The following TULP4 variants were observed in gnomAD, a reference collection of about 807,000 sequenced individuals.
TULP4 encodes tubby-related protein 4.
Under a neutral mutation model 129.0 loss-of-function variants are expected in TULP4, and 16 were observed. The observed-to-expected ratio is 0.12, with a 90% confidence interval of 0.08 to 0.19. TULP4 has a LOEUF of 0.19. TULP4 is among the 10% of genes least tolerant of loss of function. TULP4 has a pLI of 1.00. For missense variants in TULP4, 1,842 were observed against 2,059.1 expected (o/e 0.89, Z 2.04); for synonymous variants, 998 against 854.0 (o/e 1.17, Z -2.94).
rs550013249 is a variant in TULP4, at chr6:158,313,702, A to G, written c.-315A>G. The G allele has an allele frequency of 9.1e-5, 43 of 471,038 alleles. No individual in the cohort carries two copies. The highest frequency in any genetic ancestry group is 8.5e-4 in the African/African-American group (43 of 50,310). The allele number at this position is 471,038 out of a possible 1,614,324, so 29.2% of individuals were successfully genotyped here. On this transcript the variant is annotated 5_prime_UTR_variant, in exon 1 of 14. Coordinates refer to ENST00000367097, the MANE Select transcript of TULP4 (RefSeq NM_020245.5). ...CCGTTTCTTGATCACCACTTAATTA[A>G]CGATGCTCTTTCTCCAAAGGATCAG...
chr6:158,404,020 A>T (rs1777915282), intron 1 of TULP4, among the ~76,000 whole-genome samples: 1 of 152,176 alleles, frequency 6.6e-6, no homozygotes, highest in Admixed American at 6.5e-5. Context: ...ATCATATGGT[A>T]GTTGGGAGAA....
At chr6:158,412,496 A>G (rs1778118341) in intron 1 of TULP4, among the ~76,000 whole-genome samples, 1 of 152,224 alleles carries the variant, frequency 6.6e-6, no homozygotes, top group Admixed American at 6.5e-5. Flanking sequence ...TTTGAAGCTT[A>G]TAATTTCTTG....
intron 6 of TULP4, among the ~76,000 whole-genome samples, chr6:158,466,524 C>G (rs1282644903): frequency 6.6e-6 from 1 of 152,114 alleles, no homozygotes; most frequent in African/African-American, 2.4e-5. Flanking sequence ...GTCCTTTGCC[C>G]ATTTTTCAAT....
intron 6 of TULP4, among the ~76,000 whole-genome samples, chr6:158,470,239 G>A (rs1048375854): frequency 6.6e-6 from 1 of 152,216 alleles, no homozygotes; most frequent in Non-Finnish European, 1.5e-5. Context: ...CGGCGGGTCT[G>A]CGACGGCGGC....
chr6:158,296,347 A>G (rs763035463), intron 1 of TULP4, among the ~76,000 whole-genome samples: 1 of 152,014 alleles, frequency 6.6e-6, no homozygotes, highest in Non-Finnish European at 1.5e-5. Context: ...CTGAGAAATA[A>G]AGAGAGACAG....
intron 1 of TULP4, among the ~76,000 whole-genome samples, chr6:158,372,871 A>G (rs948237044): frequency 6.6e-6 from 1 of 152,254 alleles, no homozygotes; most frequent in Non-Finnish European, 1.5e-5. Context: ...TTCTGAAAAA[A>G]TAGCACACAC....
intron 3 of TULP4, among the ~76,000 whole-genome samples, chr6:158,434,825 A>G (rs1778716018): frequency 6.6e-6 from 1 of 152,202 alleles, no homozygotes; most frequent in Non-Finnish European, 1.5e-5. Flanking sequence ...CCACTGAGGA[A>G]AGGTCAAAAG....
chr6:158,348,582 A>G (rs1188312645), intron 1 of TULP4, among the ~76,000 whole-genome samples: 1 of 152,104 alleles, frequency 6.6e-6, no homozygotes, highest in African/African-American at 2.4e-5. Flanking sequence ...TTCTTTCTAC[A>G]CAGACACAGT....
At chr6:158,359,194 G>C (rs965623721) in intron 1 of TULP4, among the ~76,000 whole-genome samples, 9 of 151,944 alleles carry the variant, frequency 5.9e-5, no homozygotes, top group African/African-American at 9.7e-5. Flanking sequence ...TGTCCACTTC[G>C]TTTACAGTGG....
chr6:158,506,076 C>T (rs1780592813), intron 13 of TULP4, among the ~76,000 whole-genome samples: 2 of 152,062 alleles, frequency 1.3e-5, no homozygotes, highest in African/African-American at 4.8e-5. Context: ...GTTCCTCAGT[C>T]CCCTTATTTC....
At chr6:158,498,582 G>A in intron 11 of TULP4, 87 bp from the exon 12 acceptor site, 1 of 1,536,346 alleles carries the variant, frequency 6.5e-7, no homozygotes, top group South Asian at 1.2e-5. Context: ...GGAAACTGCA[G>A]TGCGCTCTTC....
At chr6:158,454,368 A>G (rs910267293) in intron 5 of TULP4, among the ~76,000 whole-genome samples, 1 of 152,294 alleles carries the variant, frequency 6.6e-6, no homozygotes, top group East Asian at 1.9e-4. Flanking sequence ...TTTCTTCAAA[A>G]TTCTATTTTT....
At chr6:158,276,306 CTTT>C (rs59674153) in intron 1 of TULP4, among the ~76,000 whole-genome samples, 10 of 136,146 alleles carry the variant, frequency 7.3e-5, no homozygotes, top group Admixed American at 7.4e-5. Flanking sequence ...CTTCTTCTTT[CTTT>C]TTTTTTTTTT....
intron 1 of TULP4, 80 bp from the exon 2 acceptor site, chr6:158,412,985 C>T: frequency 6.5e-7 from 1 of 1,527,084 alleles, no homozygotes; most frequent in Admixed American, 2.0e-5. Flanking sequence ...CTAATTAGTT[C>T]AAGTCTGATC....
At chr6:158,343,737 C>G (rs115782761) in intron 1 of TULP4, among the ~76,000 whole-genome samples, 1,832 of 152,266 alleles carry the variant, frequency 0.012, 41 homozygotes, top group African/African-American at 0.04. Flanking sequence ...GCAGCCTGAA[C>G]TAAGACAGGC....
At chr6:158,257,978 A>G (rs1486822954) in intron 1 of TULP4, among the ~76,000 whole-genome samples, 3 of 152,172 alleles carry the variant, frequency 2.0e-5, no homozygotes, top group Non-Finnish European at 2.9e-5. Flanking sequence ...CCACGGGAGC[A>G]GGTTCCAAGG....
chr6:158,461,535 T>C, intron 5 of TULP4, 28 bp from the exon 6 acceptor site: 1 of 1,605,978 alleles, frequency 6.2e-7, no homozygotes, highest in Non-Finnish European at 8.5e-7. Context: ...GCTGTGTCCT[T>C]GTGCTGACCC....
rs758291778 is a variant in TULP4 at position 158,498,724 on chromosome 6, C to T, written c.1926C>T (p.Leu642=). The T allele has an allele frequency of 2.2e-5, 36 of 1,614,090 alleles. No homozygotes were observed. The Middle Eastern group carries it at 4.9e-4, about 22-fold the overall frequency. ...AGCCGCGGCAGATGACCATTTATCT[C>T]CCAGAAGTTCGGAAAATTTCCATGG... is the stretch of plus-strand genomic sequence containing the variant. The part of the protein sequence containing the change: ...HLQPRQMTIY[L]PEVRKISMDY... Residue 642 remains leucine, a synonymous_variant, in exon 12 of 14, where the codon CTC becomes CTT. Coordinates refer to ENST00000367097, the MANE Select transcript of TULP4 (RefSeq NM_020245.5).
At chr6:158,241,920 T>A in intron 1 of TULP4, 1 of 783,556 alleles carries the variant, frequency 1.3e-6, no homozygotes, top group Non-Finnish European at 2.3e-6. Context: ...TAGCTTGTAG[T>A]TGTTTCTTGG....
Sources: gnomAD v4.1 joint callset for allele counts (sites outside exome capture counted in the v4.1 genomes callset) on GRCh38, gnomAD v4.1.1 for gene constraint, MANE v1.5 for transcripts, NCBI Gene and HGNC (gene_info 2026-07-23, HGNC 2026-07-21) for gene names.